PDCL: variants seen among roughly 807,000 people sequenced by gnomAD.
PDCL encodes phosducin like.
A neutral mutation model predicts 26.7 loss-of-function variants in PDCL; 11 were observed. That is an observed-to-expected ratio of 0.41 (90% CI 0.26 to 0.68). The LOEUF (loss-of-function observed/expected upper bound fraction) is 0.68, where lower values mean the gene tolerates loss of function less well. Among genes scored for constraint, PDCL ranks in the 30% least tolerant of loss-of-function variants. The probability of loss-of-function intolerance (pLI) is 0.30; values close to 1 mark genes in which losing one functional copy is unlikely to be tolerated. For missense variants in PDCL, 330 were observed against 371.6 expected (o/e 0.89, Z 0.92); for synonymous variants, 118 against 134.9 (o/e 0.87, Z 0.87).
intron 2 of PDCL, among the ~76,000 whole-genome samples, chr9:122,824,856 A>G (rs1829603310): frequency 6.6e-6 from 1 of 152,238 alleles, no homozygotes; most frequent in Non-Finnish European, 1.5e-5. Flanking sequence ...ACCAAATACT[A>G]AAATATAACA....
At chr9:122,827,449 C>T (rs1019845585) in intron 1 of PDCL, among the ~76,000 whole-genome samples, 2 of 152,158 alleles carry the variant, frequency 1.3e-5, no homozygotes, top group African/African-American at 2.4e-5. Flanking sequence ...TGGCCGGGCT[C>T]GCGCAGGTAA....
At chr9:122,826,595 G>A (rs372787736) in intron 2 of PDCL, 21 bp downstream of exon 2, 210 of 1,595,370 alleles carry the variant, frequency 1.3e-4, no homozygotes, top group Non-Finnish European at 1.7e-4. Context: ...CCTGTTCCCA[G>A]AGCCCAGGGT....
chr9:122,822,271 C>T (rs1045022681), intron 3 of PDCL, among the ~76,000 whole-genome samples: 6 of 151,962 alleles, frequency 3.9e-5, no homozygotes, highest in African/African-American at 1.5e-4. Flanking sequence ...GAGGCCATCA[C>T]GGGCCGGGCA....
Position 122,823,025 on chromosome 9 carries a change from G to C in PDCL, c.345C>G (p.Ile115Met), listed in dbSNP as rs760868766. 6 of 1,613,996 alleles carry C rather than the reference G, an allele frequency of 3.7e-6. No individual in the cohort carries two copies. Among genetic ancestry groups the C allele is most frequent in the Non-Finnish European group, 5.1e-6 (6 of 1,179,888 alleles). Residue 115 changes from isoleucine to methionine, a missense_variant, in exon 3 of 4, where the codon ATC (isoleucine) becomes ATG (methionine). Physicochemically the swap from Ile to Met is conservative, Grantham distance 10. Coordinates refer to ENST00000259467, the MANE Select transcript of PDCL (RefSeq NM_005388.5). ...GAGTACTGCTAATTACCTTCCCACT[G>C]ATCTTCTCCTGGAGGTCTTTCTGTT... The part of the protein sequence containing the change: ...QQKQKDLQEK[I>M]SGKMTLKEFA...
intron 3 of PDCL, among the ~76,000 whole-genome samples, chr9:122,821,112 G>A (rs1015826400): frequency 1.3e-5 from 2 of 151,948 alleles, no homozygotes; most frequent in Non-Finnish European, 1.5e-5. Context: ...TAACTCCATC[G>A]GGAAGGGACT....
rs1330185267 is a variant in PDCL, at chr9:122,820,412, T to C, written c.579A>G (p.Pro193=). Residue 193 remains proline, a synonymous_variant, in exon 4 of 4, where the codon CCA becomes CCG. Transcript: ENST00000259467. ...IMVHIYEDGI[P]GTEAMNGCMI... ...TGCAACCATTCATGGCTTCGGTCCC[T>C]GGAATGCCATCCTCATAAATATGAA... 2 of 1,614,172 alleles carry C rather than the reference T, an allele frequency of 1.2e-6. No individual in the cohort carries two copies. The highest frequency in any genetic ancestry group is 1.7e-5 in the Admixed American group (1 of 60,022).
At chr9:122,823,586 T>C (rs1466580797) in intron 2 of PDCL, among the ~76,000 whole-genome samples, 1 of 152,208 alleles carries the variant, frequency 6.6e-6, no homozygotes, top group Non-Finnish European at 1.5e-5. Context: ...AAGACCTGTA[T>C]GTATATACAT....
Position 122,818,209 on chromosome 9 carries a change from A to C in PDCL, c.*1876T>G, listed in dbSNP as rs2082885198. On this transcript the variant is annotated 3_prime_UTR_variant, in exon 4 of 4. Transcript: ENST00000259467. ...CTTGAACCCAGGAGGTGGAGGTTGCAGTGAGCCGAGATCACGCTATTGTAC... is the reference window on the plus strand; with the variant it reads ...CTTGAACCCAGGAGGTGGAGGTTGCCGTGAGCCGAGATCACGCTATTGTAC... 1 of 152,284 alleles carries C rather than the reference A, an allele frequency of 6.6e-6. No individual in the cohort carries two copies. Among genetic ancestry groups the C allele is most frequent in the Admixed American group, 6.5e-5 (1 of 15,286 alleles). 9.4% of individuals were successfully genotyped at this position (152,284 alleles called of 1,614,324 possible).
Position 122,824,246 on chromosome 9 carries a change from T to C in PDCL, c.173-1049A>G, listed in dbSNP as rs535441096. Among the ~76,000 whole-genome samples, 6 of 152,302 alleles carry C rather than the reference T, an allele frequency of 3.9e-5. No individual in the cohort carries two copies. The South Asian group carries it at 1.2e-3, about 32-fold the overall frequency. On this transcript the variant is annotated intron_variant, in intron 2 of 3. Coordinates refer to ENST00000259467, the MANE Select transcript of PDCL (RefSeq NM_005388.5). Reference sequence around the variant, plus strand: ...GATGAGTACATATATCCCCAGCCCATTGAGGCTGGGCTTGACTATGCGACT... The same window carrying C: ...GATGAGTACATATATCCCCAGCCCACTGAGGCTGGGCTTGACTATGCGACT...
intron 3 of PDCL, among the ~76,000 whole-genome samples, chr9:122,822,693 G>A (rs1829567597): frequency 6.6e-6 from 1 of 152,140 alleles, no homozygotes; most frequent in Non-Finnish European, 1.5e-5. Flanking sequence ...CTCAATAAAA[G>A]AAGGGAAACT....
At chr9:122,821,399 C>T (rs1829552678) in intron 3 of PDCL, among the ~76,000 whole-genome samples, 1 of 151,920 alleles carries the variant, frequency 6.6e-6, no homozygotes, top group South Asian at 2.1e-4. Context: ...AACCCCTGCC[C>T]CACACCATCC....
At chr9:122,823,571 T>C (rs553164397) in intron 2 of PDCL, among the ~76,000 whole-genome samples, 1 of 152,138 alleles carries the variant, frequency 6.6e-6, no homozygotes, top group South Asian at 2.1e-4. Context: ...TAGTTTCTAT[T>C]AAAAAAGACC....
At chr9:122,825,562 T>A (rs1170387908) in intron 2 of PDCL, among the ~76,000 whole-genome samples, 1 of 152,074 alleles carries the variant, frequency 6.6e-6, no homozygotes, top group Non-Finnish European at 1.5e-5. Context: ...AAAATACTTT[T>A]AAGTACATAA....
At chr9:122,827,553 A>G (rs979376501) in intron 1 of PDCL, among the ~76,000 whole-genome samples, 1 of 152,082 alleles carries the variant, frequency 6.6e-6, no homozygotes, top group Non-Finnish European at 1.5e-5. Context: ...TGTCTCTACT[A>G]GTAAAAGCAA....
chr9:122,826,432 A>G lies in PDCL; in HGVS notation c.172+184T>C, dbSNP rs569678185. ...TGTGTTCATTACCATGCTGCTATGC[A>G]CATACATTTGTATTGTGCACTAAAA... On this transcript the variant is annotated intron_variant, in intron 2 of 3. Coordinates refer to ENST00000259467, the MANE Select transcript of PDCL (RefSeq NM_005388.5). 3.3e-5 allele frequency among the ~76,000 whole-genome samples: 5 copies of G among 152,360 alleles called. No homozygotes were observed. In the East Asian group the frequency reaches 9.6e-4, roughly 29 times the overall value.
intron 2 of PDCL, 104 bp downstream of exon 2, chr9:122,826,512 G>A: frequency 1.9e-6 from 2 of 1,053,836 alleles, no homozygotes; most frequent in Non-Finnish European, 2.6e-6. Context: ...TGGGACCAGA[G>A]TTAAAAGTGA....
Position 122,820,596 on chromosome 9 carries a change from T to C in PDCL, c.395A>G (p.Asp132Gly), listed in dbSNP as rs1829540883. The part of the protein sequence containing the change: ...KEFAIMNEDQ[D>G]DEEFLQQYRK... ...GTACTGCTGCAGAAACTCTTCATCATCTTGGTCCTCATTCATTATGGCAAA... is the reference window on the plus strand; with the variant it reads ...GTACTGCTGCAGAAACTCTTCATCACCTTGGTCCTCATTCATTATGGCAAA... Residue 132 changes from aspartate to glycine, a missense_variant, in exon 4 of 4, where the codon GAT (aspartate) becomes GGT (glycine). Asp to Gly is a moderately conservative substitution (Grantham distance 94). Transcript: ENST00000259467. 2.5e-6 allele frequency: 4 copies of C among 1,613,106 alleles called. No individual in the cohort carries two copies. Among genetic ancestry groups the C allele is most frequent in the Middle Eastern group, 1.7e-4 (1 of 6,054 alleles).
chr9:122,826,933 A>G (rs1829636447), intron 1 of PDCL, 141 bp from the exon 2 acceptor site: 1 of 712,596 alleles, frequency 1.4e-6, no homozygotes, highest in African/African-American at 1.8e-5. Flanking sequence ...AAATCTTAAC[A>G]AATCCCTACC....
Position 122,820,687 on chromosome 9 carries a change from A to G in PDCL, c.355-51T>C, listed in dbSNP as rs757211617. 12 of 1,486,696 alleles carry G rather than the reference A, an allele frequency of 8.1e-6. No homozygotes were observed. The South Asian group carries it at 9.0e-5, about 11-fold the overall frequency. 92.1% of individuals were successfully genotyped at this position (1,486,696 alleles called of 1,614,324 possible). A position where few individuals can be genotyped will look rare whatever the true frequency, so the allele number is the denominator to read the frequency against. On this transcript the variant is annotated intron_variant, in intron 3 of 3. Coordinates refer to ENST00000259467, the MANE Select transcript of PDCL (RefSeq NM_005388.5). ...TAAATATGAAAACTGAACACTCGTG[A>G]TAACAGTTAATATGGGCCGGGCGCG... is the stretch of plus-strand genomic sequence containing the variant.
Sources: gnomAD v4.1 joint callset for allele counts (sites outside exome capture counted in the v4.1 genomes callset) on GRCh38, gnomAD v4.1.1 for gene constraint, MANE v1.5 for transcripts, NCBI Gene and HGNC (gene_info 2026-07-23, HGNC 2026-07-21) for gene names.